The following PTPRD variants were observed in gnomAD, a reference collection of about 807,000 sequenced individuals.
PTPRD encodes protein tyrosine phosphatase receptor type D, also known as receptor-type tyrosine-protein phosphatase delta.
PTPRD carries 34 observed loss-of-function variants against 214.5 expected under a neutral mutation model. That is an observed-to-expected ratio of 0.16 (90% confidence interval 0.12 to 0.21). The LOEUF (loss-of-function observed/expected upper bound fraction) is 0.21, where lower values mean the gene tolerates loss of function less well. PTPRD is among the 10% of genes least tolerant of loss of function. The pLI is 1.00. For synonymous variants in PTPRD, 1,128 were observed against 845.7 expected (o/e 1.33, Z -5.79); for missense variants, 2,545 against 2,398.7 (o/e 1.06, Z -1.27).
intron 4 of PTPRD, among the ~76,000 whole-genome samples, chr9:10,000,194 T>C (rs1303888033): frequency 1.3e-5 from 2 of 152,184 alleles, no homozygotes; most frequent in African/African-American, 4.8e-5. Flanking sequence ...TTAATGTTTC[T>C]GGTAATGTAC....
intron 7 of PTPRD, among the ~76,000 whole-genome samples, chr9:9,666,998 C>T (rs1444279943): frequency 2.6e-5 from 4 of 151,984 alleles, no homozygotes; most frequent in African/African-American, 9.7e-5. Context: ...CATCGTTTCT[C>T]TTTAAATATA....
intron 3 of PTPRD, among the ~76,000 whole-genome samples, chr9:10,064,569 C>G (rs1590106770): frequency 6.6e-6 from 1 of 151,850 alleles, no homozygotes; most frequent in South Asian, 2.1e-4. Context: ...ATTCTACAAG[C>G]CTGAACCTCT....
chr9:9,384,026 T>C (rs1040262775), intron 9 of PTPRD, among the ~76,000 whole-genome samples: 39 of 151,824 alleles, frequency 2.6e-4, no homozygotes, highest in African/African-American at 9.2e-4. Flanking sequence ...CATAAACCTA[T>C]ATACGAGATA....
At chr9:8,476,155 A>G (rs1215434815) in intron 30 of PTPRD, among the ~76,000 whole-genome samples, 1 of 152,140 alleles carries the variant, frequency 6.6e-6, no homozygotes, top group African/African-American at 2.4e-5. Context: ...TTATGGAAGA[A>G]AATTTTTCCA....
intron 14 of PTPRD, among the ~76,000 whole-genome samples, chr9:8,565,816 G>C (rs1359128629): frequency 6.6e-6 from 1 of 152,140 alleles, no homozygotes; most frequent in South Asian, 2.1e-4. Context: ...ATTCATCAAA[G>C]TTTTATCATT....
intron 3 of PTPRD, among the ~76,000 whole-genome samples, chr9:10,067,253 G>A (rs1027808482): frequency 2.0e-5 from 3 of 151,794 alleles, no homozygotes; most frequent in African/African-American, 4.8e-5. Context: ...ACTTCAGTTC[G>A]GCAAATGTAG....
intron 11 of PTPRD, among the ~76,000 whole-genome samples, chr9:8,946,341 G>A (rs1458783702): frequency 6.6e-6 from 1 of 152,044 alleles, no homozygotes; most frequent in East Asian, 1.9e-4. Context: ...ACCACCCCAA[G>A]GAGGCAGCAG....
At chr9:9,277,223 G>T (rs1024945997) in intron 9 of PTPRD, among the ~76,000 whole-genome samples, 1 of 151,282 alleles carries the variant, frequency 6.6e-6, no homozygotes, top group African/African-American at 2.4e-5. Flanking sequence ...TATTCAAACA[G>T]TTGATTCCCT....
chr9:10,271,628 C>T (rs1044834982), intron 3 of PTPRD, among the ~76,000 whole-genome samples: 16 of 150,896 alleles, frequency 1.1e-4, no homozygotes, highest in East Asian at 7.8e-4. Context: ...CTGCAACCTC[C>T]GCCTCCCAGG....
intron 36 of PTPRD, among the ~76,000 whole-genome samples, 198 bp from the exon 37 acceptor site, chr9:8,389,605 G>C (rs1486976616): frequency 6.6e-6 from 1 of 152,082 alleles, no homozygotes; most frequent in Non-Finnish European, 1.5e-5. Context: ...ATGCAAAAAA[G>C]TGTCAGGTCT....
chr9:8,649,311 G>A (rs888889652), intron 12 of PTPRD, among the ~76,000 whole-genome samples: 1 of 152,172 alleles, frequency 6.6e-6, no homozygotes, highest in African/African-American at 2.4e-5. Context: ...ATGAATTTTT[G>A]TAACGCTTGC....
chr9:9,877,172 T>C (rs956045476), intron 5 of PTPRD, among the ~76,000 whole-genome samples: 2 of 152,206 alleles, frequency 1.3e-5, no homozygotes, highest in African/African-American at 2.4e-5. Flanking sequence ...AGCACTTCAG[T>C]ATGGACTTGG....
intron 14 of PTPRD, among the ~76,000 whole-genome samples, chr9:8,564,940 G>C (rs1161997246): frequency 6.6e-6 from 1 of 152,170 alleles, no homozygotes; most frequent in African/African-American, 2.4e-5. Context: ...AAGAAATCAT[G>C]AGATTCTCAA....
chr9:9,347,061 G>C (rs72698869), intron 9 of PTPRD, among the ~76,000 whole-genome samples: 31,570 of 151,968 alleles, frequency 0.21, 4,134 homozygotes, highest in East Asian at 0.62. Context: ...TAACACTTTG[G>C]GAAGCCAATG....
chr9:8,430,227 T>C (rs1386831903), intron 35 of PTPRD, among the ~76,000 whole-genome samples: 2 of 152,128 alleles, frequency 1.3e-5, no homozygotes, highest in Non-Finnish European at 2.9e-5. Flanking sequence ...CTTTATAGCT[T>C]TTCTTGATAG....
intron 7 of PTPRD, among the ~76,000 whole-genome samples, chr9:9,584,266 C>T (rs546794176): frequency 4.7e-4 from 72 of 151,830 alleles, no homozygotes; most frequent in African/African-American, 1.7e-3. Flanking sequence ...CTCAAATCTA[C>T]CCAATCTCAT....
At chr9:9,574,392 A>G (rs2087659512) in intron 8 of PTPRD, among the ~76,000 whole-genome samples, 1 of 151,922 alleles carries the variant, frequency 6.6e-6, no homozygotes, top group Admixed American at 6.6e-5. Flanking sequence ...ACTTTCAATA[A>G]CTCATTGCCA....
chr9:10,185,397 G>T (rs797015162), intron 3 of PTPRD, among the ~76,000 whole-genome samples: 1 of 152,278 alleles, frequency 6.6e-6, no homozygotes, highest in Non-Finnish European at 1.5e-5. Context: ...TTTGCTTTGA[G>T]AAGTCTTGTC....
intron 7 of PTPRD, among the ~76,000 whole-genome samples, chr9:9,702,881 A>G (rs1325366629): frequency 6.6e-6 from 1 of 152,150 alleles, no homozygotes; most frequent in Non-Finnish European, 1.5e-5. Context: ...TTCTGACTCT[A>G]TTTGTATAGG....
Sources: gnomAD v4.1 joint callset for allele counts (sites outside exome capture counted in the v4.1 genomes callset) on GRCh38, gnomAD v4.1.1 for gene constraint, MANE v1.5 for transcripts, NCBI Gene and HGNC (gene_info 2026-07-23, HGNC 2026-07-21) for gene names.